GTF3C4: variants seen among roughly 807,000 people sequenced by gnomAD.
The protein encoded by GTF3C4 is general transcription factor 3C polypeptide 4.
In GTF3C4, 28 loss-of-function variants were observed where a neutral mutation model predicts 67.5. That is an observed-to-expected ratio of 0.41 (90% confidence interval 0.31 to 0.57). The LOEUF is 0.57. GTF3C4 is among the 20% of genes least tolerant of loss of function. The probability of loss-of-function intolerance (pLI) is 0.21; values close to 1 mark genes in which losing one functional copy is unlikely to be tolerated. For missense variants in GTF3C4, 831 were observed against 1,033.2 expected, an observed-to-expected ratio of 0.80 and a Z score of 2.68; for synonymous variants, 409 against 393.0, an observed-to-expected ratio of 1.04 and a Z score of -0.48.
At chr9:132,683,840 T>A (rs1835984501) in intron 3 of GTF3C4, 147 bp downstream of exon 3, 2 of 775,480 alleles carry the variant, frequency 2.6e-6, no homozygotes, top group Non-Finnish European at 4.0e-6. Context: ...TAAAGCCTGA[T>A]GTGGACTTTT....
chr9:132,679,592 A>G lies in GTF3C4; in HGVS notation c.1973A>G (p.Asp658Gly), dbSNP rs1216865325. 2 of 1,614,130 alleles carry G rather than the reference A, an allele frequency of 1.2e-6. No individual in the cohort carries two copies. The highest frequency in any genetic ancestry group is 2.2e-5 in the South Asian group (2 of 91,086). ...PTDDSLPTTGDAGGREPMEEK... is the reference protein window; with the variant it reads ...PTDDSLPTTGGAGGREPMEEK... ...GATGACTCGCTCCCCACGACTGGAG[A>G]TGCTGGAGGCCGTGAGCCAATGGAA... The change falls in exon 2 of 5, where the codon GAT becomes GGT. Residue 658 changes from aspartate (D) to glycine (G), a missense_variant. Asp to Gly is a moderately conservative substitution (Grantham distance 94). Transcript: ENST00000372146. The surrounding 1 kb of genome is among the most constrained non-coding windows in gnomAD (Gnocchi z 5.9).
chr9:132,686,946 A>G (rs1005224415), intron 3 of GTF3C4, among the ~76,000 whole-genome samples: 1 of 152,348 alleles, frequency 6.6e-6, no homozygotes, highest in Non-Finnish European at 1.5e-5. Context: ...AAACAGATCA[A>G]GAATTTAAAG....
At position 132,687,452 on chromosome 9, in the gene GTF3C4, G is replaced by C; in HGVS notation, c.2404+125G>C. ...GGTATTGTGTTGTCGGGGGTGGGGG[G>C]TGGGGAGTAGGCCCCTGCTGCTCTT... On this transcript the variant is annotated intron_variant, in intron 4 of 4. Coordinates refer to ENST00000372146, the MANE Select transcript of GTF3C4 (RefSeq NM_012204.4). The C allele has an allele frequency of 5.7e-6, 2 of 349,370 alleles. 1 individual carries two copies. The highest frequency in any genetic ancestry group is 1.2e-5 in the Non-Finnish European group (2 of 173,628). The allele number at this position is 349,370 out of a possible 1,614,324, so 21.6% of individuals were successfully genotyped here.
chr9:132,673,067 C>A (rs1835810379), intron 1 of GTF3C4, among the ~76,000 whole-genome samples: 9 of 152,284 alleles, frequency 5.9e-5, no homozygotes, highest in Admixed American at 4.6e-4. Flanking sequence ...GCCTGTAGTC[C>A]TAGCTACTGG....
At position 132,684,317 on chromosome 9, in the gene GTF3C4, A is replaced by C. The variant is rs1332078565; in HGVS notation, c.2315+624A>C. Among the ~76,000 whole-genome samples the C allele has an allele frequency of 7.9e-5, 12 of 152,200 alleles. No individual in the cohort carries two copies. The South Asian group carries it at 2.1e-3, about 26-fold the overall frequency. On this transcript the variant is annotated intron_variant, in intron 3 of 4. Transcript: ENST00000372146. Reference sequence around the variant, plus strand: ...CAGTACCTCTATTTGGATGTTTAATAGGCATTTCAAATTGGAATCCAACCT... The same window carrying C: ...CAGTACCTCTATTTGGATGTTTAATCGGCATTTCAAATTGGAATCCAACCT...
intron 3 of GTF3C4, 59 bp from the exon 4 acceptor site, chr9:132,687,180 T>C: frequency 3.3e-6 from 3 of 897,094 alleles, no homozygotes. Context: ...GAAACATCAG[T>C]TTCTGAGTGT....
At chr9:132,670,394 T>C (rs1835683693), upstream of GTF3C4, 3 of 1,154,718 alleles carry the variant, frequency 2.6e-6, no homozygotes, top group Admixed American at 1.1e-4. Context: ...CCGCTCGCTG[T>C]CCTTTTTCTG....
Position 132,679,672 on chromosome 9 carries a change from AG to A in GTF3C4, c.2056del (p.Glu686AsnfsTer3). 6.2e-7 allele frequency: 1 copy of A among 1,614,232 alleles called. No homozygotes were observed. The highest frequency in any genetic ancestry group is 8.5e-7 in the Non-Finnish European group (1 of 1,180,046). Reference protein sequence around the residue: ...KIEAVEMHLTREHMKRVLGEV... With the variant: ...KIEAVEMHLTXEHMKRVLGEV... ...CGAAGCTGTGGAGATGCACTTGACCAGGGAACACATGAAGCGAGTCTTAGGA... is the reference window on the plus strand; with the variant it reads ...CGAAGCTGTGGAGATGCACTTGACCAGGAACACATGAAGCGAGTCTTAGGA... On this transcript the variant is annotated frameshift_variant, in exon 2 of 5. Coordinates refer to ENST00000372146, the MANE Select transcript of GTF3C4 (RefSeq NM_012204.4). LOFTEE classifies it high-confidence loss of function. The surrounding 1 kb of genome is among the most constrained non-coding windows in gnomAD (Gnocchi z 5.9).
At position 132,692,733 on chromosome 9, in the gene GTF3C4, T is replaced by C. The variant is rs532586127; in HGVS notation, c.*3788T>C. The C allele has an allele frequency of 6.6e-6, 1 of 152,336 alleles. No homozygotes were observed. The highest frequency in any genetic ancestry group is 2.4e-5 in the African/African-American group (1 of 41,582). The allele number at this position is 152,336 out of a possible 1,614,324, so 9.4% of individuals were successfully genotyped here. ...GGGAGTGTCTCAAGAATGGAACCTTTGCCTTCAAGGTTGGGTCATCAAAAA... is the reference window on the plus strand; with the variant it reads ...GGGAGTGTCTCAAGAATGGAACCTTCGCCTTCAAGGTTGGGTCATCAAAAA... On this transcript the variant is annotated 3_prime_UTR_variant, in exon 5 of 5. Coordinates refer to ENST00000372146, the MANE Select transcript of GTF3C4 (RefSeq NM_012204.4).
At chr9:132,675,903 T>TTTTTC (rs1388819186) in intron 1 of GTF3C4, among the ~76,000 whole-genome samples, 1 of 137,788 alleles carries the variant, frequency 7.3e-6, no homozygotes, top group African/African-American at 2.7e-5. Flanking sequence ...CCCTTTTTTT[T>TTTTTC]TTTTTTTTTT....
chr9:132,679,510 G>A lies in GTF3C4; in HGVS notation c.1891G>A (p.Val631Met). ...QQEEGTSSKQVVKQGLQERSK... is the reference protein window; with the variant it reads ...QQEEGTSSKQMVKQGLQERSK... The stretch of plus-strand genomic sequence containing the variant: ...GGAAGAAGGCACTTCTTCCAAACAG[G>A]TGGTGAAGCAAGGCCTGCAGGAGAG... Residue 631 changes from valine to methionine, a missense_variant, in exon 2 of 5, where the codon GTG (valine) becomes ATG (methionine). By Grantham distance (21) the Val-to-Met change is conservative. This residue lies in a region of GTF3C4 where 75 missense variants were observed against 66.4 expected (regional missense o/e 1.13). Transcript: ENST00000372146. This position sits in a 1 kb window ranked among gnomAD's most constrained non-coding sequence, Gnocchi z 5.9. 6.2e-7 allele frequency: 1 copy of A among 1,614,158 alleles called. No individual in the cohort carries two copies. The highest frequency in any genetic ancestry group is 8.5e-7 in the Non-Finnish European group (1 of 1,180,032).
chr9:132,683,208 T>C (rs1172251132), intron 2 of GTF3C4, among the ~76,000 whole-genome samples: 1 of 152,248 alleles, frequency 6.6e-6, no homozygotes, highest in African/African-American at 2.4e-5. Flanking sequence ...CTAAATACTT[T>C]GTCTTCTAAC....
At chr9:132,681,357 A>G (rs756148681) in intron 2 of GTF3C4, among the ~76,000 whole-genome samples, 1 of 152,218 alleles carries the variant, frequency 6.6e-6, no homozygotes, top group Non-Finnish European at 1.5e-5. Context: ...AAACCAGAAG[A>G]TTGCACACCC....
Position 132,688,966 on chromosome 9 carries a change from G to C in GTF3C4, c.*21G>C. ...TCTAAATAATCAGTGACGGGAAGAT[G>C]GAAGGGCATGATGAACTCTGCCATA... On this transcript the variant is annotated 3_prime_UTR_variant, in exon 5 of 5. Transcript: ENST00000372146. 1 of 1,573,540 alleles carries C rather than the reference G, an allele frequency of 6.4e-7. No individual in the cohort carries two copies. The highest frequency in any genetic ancestry group is 8.7e-7 in the Non-Finnish European group (1 of 1,143,996).
intron 1 of GTF3C4, among the ~76,000 whole-genome samples, chr9:132,674,115 G>A (rs958418902): frequency 3.9e-5 from 6 of 152,288 alleles, no homozygotes; most frequent in African/African-American, 1.4e-4. Context: ...CTGTCTAAAA[G>A]CTTCAAGTGA....
chr9:132,683,772 C>T, intron 3 of GTF3C4, 79 bp downstream of exon 3: 1 of 1,318,194 alleles, frequency 7.6e-7, no homozygotes, highest in Non-Finnish European at 1.0e-6. Context: ...GACAGAATAG[C>T]AACTTTATGC....
chr9:132,674,254 A>G (rs574974726), intron 1 of GTF3C4, among the ~76,000 whole-genome samples: 1 of 152,382 alleles, frequency 6.6e-6, no homozygotes, highest in East Asian at 1.9e-4. Flanking sequence ...TGGATGGTGT[A>G]CAATTAAATG....
intron 1 of GTF3C4, 42 bp downstream of exon 1, chr9:132,670,997 C>T (rs916245402): frequency 7.4e-7 from 1 of 1,344,384 alleles, no homozygotes; most frequent in Admixed American, 1.7e-5. Context: ...CCCCTGTCCC[C>T]CTCTCGCGGC....
At position 132,678,073 on chromosome 9, in the gene GTF3C4, A is replaced by G. The variant is rs1417893808; in HGVS notation, c.454A>G (p.Asn152Asp). Residue 152 changes from asparagine to aspartate, a missense_variant, in exon 2 of 5, where the codon AAC (asparagine) becomes GAC (aspartate). Transcript: ENST00000372146. This position sits in a 1 kb window ranked among gnomAD's most constrained non-coding sequence, Gnocchi z 6.5. ...GACTTTCATGTTGGATAGGGTGTTC[A>G]ACCCTGAGGGGAAGGCTTTACCACC... ...SQTFMLDRVF[N>D]PEGKALPPMR... The G allele has an allele frequency of 6.2e-7, 1 of 1,614,240 alleles. No homozygotes were observed. The highest frequency in any genetic ancestry group is 8.5e-7 in the Non-Finnish European group (1 of 1,180,020).
Sources: gnomAD v4.1 joint callset for allele counts (sites outside exome capture counted in the v4.1 genomes callset) on GRCh38, gnomAD v4.1.1 for gene constraint, gnomAD v4.1.1 regional missense constraint, Gnocchi (gnomAD v3.1) non-coding constraint, MANE v1.5 for transcripts, NCBI Gene and HGNC (gene_info 2026-07-23, HGNC 2026-07-21) for gene names.